Variants in HPS4 observed in about 807,000 individuals in gnomAD.
HPS4 encodes the protein BLOC-3 complex member HPS4.
In HPS4, 44 loss-of-function variants were observed where a neutral mutation model predicts 70.3. That is an observed-to-expected ratio of 0.63 (90% CI 0.49 to 0.80). The LOEUF is 0.80. Among genes scored for constraint, HPS4 ranks in the 30% least tolerant of loss-of-function variants. The pLI, the probability that HPS4 is intolerant of heterozygous loss-of-function variation, is 0.00. For missense variants in HPS4, 873 were observed against 884.4 expected, an observed-to-expected ratio of 0.99 and a Z score of 0.16; for synonymous variants, 377 against 355.9, an observed-to-expected ratio of 1.06 and a Z score of -0.67.
intron 13 of HPS4, chr22:26,453,610 T>TG: frequency 1.6e-6 from 1 of 628,640 alleles, no homozygotes; most frequent in Non-Finnish European, 2.9e-6. Flanking sequence ...GCTCACTAGA[T>TG]GCTGGAAGAG....
intron 4 of HPS4, among the ~76,000 whole-genome samples, chr22:26,473,371 C>A (rs767195109): frequency 6.6e-6 from 1 of 152,204 alleles, no homozygotes; most frequent in South Asian, 2.1e-4. Context: ...GAATGGCCAT[C>A]ATGTTTCTCC....
At chr22:26,446,756 GAC>G (rs1473030588), downstream of HPS4, among the ~76,000 whole-genome samples, 2 of 152,060 alleles carry the variant, frequency 1.3e-5, no homozygotes, top group Non-Finnish European at 2.9e-5. Context: ...GTTTTTTTGA[GAC>G]AGAGTCTCCT....
At position 26,453,243 on chromosome 22, in the gene HPS4, T is replaced by C. The variant is rs2085497863; in HGVS notation, c.2117A>G (p.Asn706Ser). ...AKQKLLKHGV[N>S]LL ...CCTCCTGGGTGCAGTTCAGAGCAAG[T>C]TCACCCCGTGCTTCAGCAGCTTCTG... Residue 706 changes from asparagine to serine, a missense_variant, in exon 14 of 14, where the codon AAC (asparagine) becomes AGC (serine). Coordinates refer to ENST00000398145, the MANE Select transcript of HPS4 (RefSeq NM_022081.6). 6.2e-7 allele frequency: 1 copy of C among 1,614,092 alleles called. No individual in the cohort carries two copies. Among genetic ancestry groups the C allele is most frequent in the African/African-American group, 1.3e-5 (1 of 74,940 alleles).
chr22:26,458,340 C>T (rs574701100), intron 12 of HPS4, 105 bp downstream of exon 12: 15 of 1,437,790 alleles, frequency 1.0e-5, no homozygotes, highest in Non-Finnish European at 1.5e-5. Flanking sequence ...GGTCAGACAA[C>T]TCTGTGCACA....
chr22:26,483,331 G>C (rs6005059), intron 1 of HPS4, among the ~76,000 whole-genome samples: 126,712 of 152,194 alleles, frequency 0.83, 53,471 homozygotes, highest in Non-Finnish European at 0.9. Context: ...GGAGTAGGAA[G>C]AGACGTCGGA....
At chr22:26,448,946 G>A (rs1399664010), downstream of HPS4, among the ~76,000 whole-genome samples, 1 of 152,204 alleles carries the variant, frequency 6.6e-6, no homozygotes, top group African/African-American at 2.4e-5. Context: ...CAAAGCAGGA[G>A]ACAAGTGCTT....
chr22:26,479,530 A>G, intron 2 of HPS4, 175 bp from the exon 3 acceptor site: 1 of 1,427,536 alleles, frequency 7.0e-7, no homozygotes. Context: ...ACCATTCTGT[A>G]AGCGCAGGAA....
chr22:26,465,425 G>T (rs778686039), intron 10 of HPS4, 30 bp downstream of exon 10: 4 of 1,501,264 alleles, frequency 2.7e-6, no homozygotes, highest in South Asian at 2.3e-5. Flanking sequence ...CAGGTGTGGT[G>T]CAAGGTTAAC....
intron 9 of HPS4, 157 bp downstream of exon 9, chr22:26,466,069 T>C: frequency 6.4e-7 from 1 of 1,560,280 alleles, no homozygotes; most frequent in South Asian, 1.2e-5. Context: ...TTCTGGTGGG[T>C]AACTCGATTC....
chr22:26,459,426 T>C (rs943882549), intron 11 of HPS4, among the ~76,000 whole-genome samples: 10 of 152,250 alleles, frequency 6.6e-5, no homozygotes, highest in African/African-American at 1.9e-4. Context: ...TAATGACTGA[T>C]AGTTTTTTAA....
At position 26,451,672 on chromosome 22, in the gene HPS4, G is replaced by A. The variant is rs1435057679; in HGVS notation, c.*1561C>T. 6.6e-6 allele frequency: 1 copy of A among 152,280 alleles called. No individual in the cohort carries two copies. The highest frequency in any genetic ancestry group is 1.5e-5 in the Non-Finnish European group (1 of 68,122). 9.4% of individuals were successfully genotyped at this position (152,280 alleles called of 1,614,324 possible). Reference sequence around the variant, plus strand: ...CAAAGACAACGTGAGACATTGCGGGGACTTCCTGGAGCTGCAGCAACCACA... The same window carrying A: ...CAAAGACAACGTGAGACATTGCGGGAACTTCCTGGAGCTGCAGCAACCACA... On this transcript the variant is annotated 3_prime_UTR_variant, in exon 14 of 14. Transcript: ENST00000398145.
intron 13 of HPS4, among the ~76,000 whole-genome samples, chr22:26,454,353 A>AGT (rs538945272): frequency 1.3e-3 from 199 of 152,246 alleles, no homozygotes; most frequent in African/African-American, 4.7e-3. Flanking sequence ...ATTACTTCCT[A>AGT]GTGTGTGTCC....
intron 2 of HPS4, chr22:26,479,808 A>T: frequency 2.2e-6 from 1 of 460,668 alleles, no homozygotes; most frequent in Non-Finnish European, 2.9e-6. Context: ...GCATTCACTT[A>T]AACATTTACT....
exon 4 of HPS4, chr22:26,444,562 C>T (rs2084893963): frequency 6.6e-6 from 1 of 152,218 alleles, no homozygotes; most frequent in South Asian, 2.1e-4. Flanking sequence ...CTAGAGATGC[C>T]TTTTCTGAAT....
Position 26,481,735 on chromosome 22 carries a change from T to C in HPS4, c.28A>G (p.Lys10Glu), listed in dbSNP as rs141268657. 24 of 1,614,190 alleles carry C rather than the reference T, an allele frequency of 1.5e-5. No homozygotes were observed. Among genetic ancestry groups the C allele is most frequent in the Non-Finnish European group, 2.0e-5 (24 of 1,180,000 alleles). MATSTSTEA[K>E]SASWWNYFFL... ...CTTGTTACTCACCACGAGGCTGACT[T>C]TGCCTCTGTGGAGGTAGAGGTGGCC... Residue 10 changes from lysine (K) to glutamate (E), a missense_variant, in exon 2 of 14, where the codon AAG (lysine) becomes GAG (glutamate). Lys to Glu is a moderately conservative substitution (Grantham distance 56, BLOSUM62 1). Transcript: ENST00000398145.
downstream of HPS4, among the ~76,000 whole-genome samples, chr22:26,449,662 C>T (rs545052243): frequency 4.6e-5 from 7 of 152,280 alleles, no homozygotes; most frequent in East Asian, 3.9e-4. Flanking sequence ...CCCTGTGCCC[C>T]GCGCCATGGC....
In HPS4 at chr22:26,452,076, G is replaced by C; in HGVS notation, c.*1157C>G. On this transcript the variant is annotated 3_prime_UTR_variant, in exon 14 of 14. Coordinates refer to ENST00000398145, the MANE Select transcript of HPS4 (RefSeq NM_022081.6). Reference sequence around the variant, plus strand: ...ACCCTTACCTTTGTCACAAAAAAATGCTGCCATTTAATTACTCAGAACTCC... The same window carrying C: ...ACCCTTACCTTTGTCACAAAAAAATCCTGCCATTTAATTACTCAGAACTCC... The C allele has an allele frequency of 3.0e-6, 1 of 334,690 alleles. No homozygotes were observed. The highest frequency in any genetic ancestry group is 5.8e-6 in the Non-Finnish European group (1 of 172,102). The allele number at this position is 334,690 out of a possible 1,614,324, so 20.7% of individuals were successfully genotyped here.
rs1368088027 is a variant in HPS4, at chr22:26,453,173, TATA to T, written c.*57_*59del. 1.2e-5 allele frequency: 19 copies of T among 1,534,922 alleles called. No homozygotes were observed. The highest frequency in any genetic ancestry group is 1.7e-5 in the Non-Finnish European group (19 of 1,115,470). Reference sequence around the variant, plus strand: ...AATAAAATAGAGGGGCCTTTTCAATTATAAAAGGCAGAGCTTCCTTTGCTGGTT... The same window carrying T: ...AATAAAATAGAGGGGCCTTTTCAATTAAAGGCAGAGCTTCCTTTGCTGGTT... On this transcript the variant is annotated 3_prime_UTR_variant, in exon 14 of 14. Transcript: ENST00000398145.
At chr22:26,468,719 T>C (rs1429938538) in intron 7 of HPS4, 96 bp from the exon 8 acceptor site, 3 of 1,146,008 alleles carry the variant, frequency 2.6e-6, no homozygotes, top group Non-Finnish European at 3.9e-6. Context: ...TTGACGAGGA[T>C]CTTGGGGACT....
Sources: allele counts gnomAD v4.1 joint callset (sites outside exome capture counted in the v4.1 genomes callset), GRCh38; gene constraint gnomAD v4.1.1; transcripts MANE v1.5; gene names NCBI Gene and HGNC (gene_info 2026-07-23, HGNC 2026-07-21).